Variants in RARB observed in about 807,000 individuals in gnomAD.
RARB encodes the protein retinoic acid receptor beta, also known as HBV-activated protein.
RARB carries 17 observed loss-of-function variants against 51.9 expected under a neutral mutation model. That is an observed-to-expected ratio of 0.33 (90% confidence interval 0.22 to 0.49). The LOEUF (loss-of-function observed/expected upper bound fraction) is 0.49, where lower values mean the gene tolerates loss of function less well. Among genes scored for constraint, RARB ranks in the 20% least tolerant of loss-of-function variants. The probability of loss-of-function intolerance (pLI) is 0.99; values close to 1 mark genes in which losing one functional copy is unlikely to be tolerated. For synonymous variants in RARB, 215 were observed against 195.4 expected (o/e 1.10, Z -0.84); for missense variants, 369 against 550.8 (o/e 0.67, Z 3.30).
chr3:25,089,097 A>T (rs910534041), intron 3 of RARB, among the ~76,000 whole-genome samples: 1 of 152,086 alleles, frequency 6.6e-6, no homozygotes, highest in Admixed American at 6.6e-5. Flanking sequence ...TCTGAAAGTA[A>T]TTAGAGATTC....
intron 5 of RARB, among the ~76,000 whole-genome samples, chr3:25,321,652 G>A (rs928948882): frequency 9.2e-5 from 14 of 151,938 alleles, no homozygotes; most frequent in Non-Finnish European, 1.6e-4. Flanking sequence ...GGGAGGCAAA[G>A]GTTGCAGTGA....
At chr3:25,066,105 G>A (rs1698657116) in intron 3 of RARB, among the ~76,000 whole-genome samples, 3 of 152,230 alleles carry the variant, frequency 2.0e-5, no homozygotes, top group Admixed American at 1.3e-4. Context: ...TTACTGTGAT[G>A]TCTAAAGAAG....
chr3:25,315,882 G>T (rs1704411492), intron 5 of RARB, among the ~76,000 whole-genome samples: 1 of 151,896 alleles, frequency 6.6e-6, no homozygotes, highest in Non-Finnish European at 1.5e-5. Flanking sequence ...GCCTCCCAAA[G>T]TTCTGGGATT....
At chr3:24,885,929 T>C (rs1168574264) in intron 2 of RARB, among the ~76,000 whole-genome samples, 1 of 152,206 alleles carries the variant, frequency 6.6e-6, no homozygotes, top group African/African-American at 2.4e-5. Flanking sequence ...ATTTCTGTTA[T>C]ATGCCACCTA....
At chr3:25,247,055 A>G (rs759105368) in intron 5 of RARB, among the ~76,000 whole-genome samples, 2 of 152,218 alleles carry the variant, frequency 1.3e-5, no homozygotes, top group Non-Finnish European at 2.9e-5. Flanking sequence ...GTCTGGCTAC[A>G]GCAGCTTTGT....
chr3:25,351,673 T>A (rs1014090761), intron 5 of RARB, among the ~76,000 whole-genome samples: 2 of 152,170 alleles, frequency 1.3e-5, no homozygotes, highest in Non-Finnish European at 2.9e-5. Context: ...TGAAAAAGCA[T>A]TTTAAATATT....
intron 1 of RARB, among the ~76,000 whole-genome samples, chr3:25,439,861 T>A (rs1372379774): frequency 6.6e-6 from 1 of 151,986 alleles, no homozygotes; most frequent in Non-Finnish European, 1.5e-5. Flanking sequence ...TGTAGTGGGT[T>A]CTAAGTGGAA....
At chr3:25,014,114 C>G (rs1697457421) in intron 2 of RARB, among the ~76,000 whole-genome samples, 1 of 152,010 alleles carries the variant, frequency 6.6e-6, no homozygotes, top group African/African-American at 2.4e-5. Flanking sequence ...CACTTTTTCC[C>G]TTGTTGCTGT....
chr3:25,076,762 A>C (rs1698879026), intron 3 of RARB, among the ~76,000 whole-genome samples: 1 of 152,178 alleles, frequency 6.6e-6, no homozygotes, highest in Non-Finnish European at 1.5e-5. Context: ...GTGTTTTCAA[A>C]TCCTACATGA....
intron 4 of RARB, among the ~76,000 whole-genome samples, chr3:25,157,928 C>G (rs1407544504): frequency 1.6e-5 from 2 of 122,626 alleles, no homozygotes; most frequent in Non-Finnish European, 3.6e-5. Flanking sequence ...ATGCAGCAGA[C>G]TATTGTTTAT....
intron 2 of RARB, among the ~76,000 whole-genome samples, chr3:25,468,580 C>A (rs1408979472): frequency 6.6e-6 from 1 of 151,968 alleles, no homozygotes; most frequent in Non-Finnish European, 1.5e-5. Context: ...ACTGCTTCAG[C>A]CACACTTAGA....
At chr3:24,910,472 A>AT (rs1694969424) in intron 2 of RARB, among the ~76,000 whole-genome samples, 1 of 152,116 alleles carries the variant, frequency 6.6e-6, no homozygotes, top group Non-Finnish European at 1.5e-5. Flanking sequence ...GAGCTTTGTA[A>AT]TTTTTTAGGA....
chr3:25,180,366 T>C (rs1700837423), intron 5 of RARB, among the ~76,000 whole-genome samples: 1 of 152,228 alleles, frequency 6.6e-6, no homozygotes, highest in Non-Finnish European at 1.5e-5. Context: ...TTATAAAAAT[T>C]GAACTTTGGA....
intron 2 of RARB, among the ~76,000 whole-genome samples, chr3:25,019,420 G>C (rs1434378201): frequency 6.6e-6 from 1 of 152,118 alleles, no homozygotes; most frequent in East Asian, 1.9e-4. Flanking sequence ...AGTGGGGTCC[G>C]GTTGGGATTG....
rs55731301 is a variant in RARB, at chr3:25,557,137, T to TCACACACACACACACA, written c.449-12600_449-12585dup. Among the ~76,000 whole-genome samples the TCACACACACACACACA allele has an allele frequency of 9.1e-4, 132 of 145,454 alleles. 2 individuals carry two copies. The highest frequency in any genetic ancestry group is 3.5e-3 in the Middle Eastern group (1 of 288). On this transcript the variant is annotated intron_variant, in intron 3 of 7. Transcript: ENST00000330688. ...GTTTTGCTTCCACATGGCATTGCAT[T>TCACACACACACACACA]CACACACACACACACACACACACAC...
At chr3:25,323,726 A>C (rs897928095) in intron 5 of RARB, among the ~76,000 whole-genome samples, 1 of 152,212 alleles carries the variant, frequency 6.6e-6, no homozygotes, top group Non-Finnish European at 1.5e-5. Context: ...CTCTATGCCC[A>C]CACGAAGATG....
At chr3:25,590,756 A>G (rs1320195706) in intron 5 of RARB, among the ~76,000 whole-genome samples, 1 of 152,170 alleles carries the variant, frequency 6.6e-6, no homozygotes, top group Non-Finnish European at 1.5e-5. Flanking sequence ...CTGACTGCAG[A>G]TGATCTATCC....
intron 5 of RARB, among the ~76,000 whole-genome samples, chr3:25,220,288 AG>A (rs1701919459): frequency 6.6e-6 from 1 of 152,218 alleles, no homozygotes; most frequent in African/African-American, 2.4e-5. Flanking sequence ...TTCTGTATGT[AG>A]GAATTCATCT....
At chr3:25,082,137 A>G in intron 3 of RARB, among the ~76,000 whole-genome samples, 1 of 152,006 alleles carries the variant, frequency 6.6e-6, no homozygotes, top group East Asian at 1.9e-4. Flanking sequence ...TAACCTGTGT[A>G]CTTATATTTT....
Sources: allele counts gnomAD v4.1 joint callset (sites outside exome capture counted in the v4.1 genomes callset), GRCh38; gene constraint gnomAD v4.1.1; transcripts MANE v1.5; gene names NCBI Gene and HGNC (gene_info 2026-07-23, HGNC 2026-07-21).